The following ACTR3 variants were observed in gnomAD, a reference collection of about 807,000 sequenced individuals.
ACTR3 encodes the protein actin-related protein 3.
In ACTR3, 12 loss-of-function variants were observed where a neutral mutation model predicts 56.8. The ratio of observed to expected loss-of-function variants is 0.21; its 90% CI spans 0.14 to 0.34. The LOEUF (loss-of-function observed/expected upper bound fraction) is 0.34, where lower values mean the gene tolerates loss of function less well. Among genes scored for constraint, ACTR3 ranks in the 10% least tolerant of loss-of-function variants. The pLI, the probability that ACTR3 is intolerant of heterozygous loss-of-function variation, is 1.00. For synonymous variants in ACTR3, 162 were observed against 167.4 expected, an observed-to-expected ratio of 0.97 and a Z score of 0.25; for missense variants, 282 against 512.5, an observed-to-expected ratio of 0.55 and a Z score of 4.34.
chr2:113,936,999 C>T (rs1391584100), intron 6 of ACTR3, among the ~76,000 whole-genome samples: 1 of 152,172 alleles, frequency 6.6e-6, no homozygotes, highest in Admixed American at 6.5e-5. Context: ...TTTGAATACC[C>T]TATCTCCAAA....
intron 8 of ACTR3, among the ~76,000 whole-genome samples, chr2:113,946,263 GTTTC>G (rs1426213898): frequency 2.0e-4 from 30 of 151,622 alleles, no homozygotes; most frequent in Non-Finnish European, 1.6e-4. Flanking sequence ...GAGTATAAGC[GTTTC>G]TTTTTCTTTC....
At chr2:113,928,045 T>C (rs1276440650) in intron 4 of ACTR3, among the ~76,000 whole-genome samples, 1 of 152,170 alleles carries the variant, frequency 6.6e-6, no homozygotes, top group South Asian at 2.1e-4. Flanking sequence ...TTATTTCTTC[T>C]GTCTTTAAGA....
intron 1 of ACTR3, among the ~76,000 whole-genome samples, chr2:113,911,943 G>A (rs1679314307): frequency 1.3e-5 from 2 of 152,010 alleles, no homozygotes; most frequent in South Asian, 4.1e-4. Flanking sequence ...CACCATGTTG[G>A]TTAGGCTGGT....
In ACTR3 at chr2:113,942,362, A is replaced by G. The variant is rs566464778; in HGVS notation, c.858+3A>G. On this transcript the variant is annotated splice_donor_region_variant and intron_variant, in intron 8 of 11. Coordinates refer to ENST00000263238, the MANE Select transcript of ACTR3 (RefSeq NM_005721.5). ...CTGAAATCTTTTTTCATCCAGAGGTAATTTTTTTTAACGGAATTGTTTAAA... is the reference window on the plus strand; with the variant it reads ...CTGAAATCTTTTTTCATCCAGAGGTGATTTTTTTTAACGGAATTGTTTAAA... 3.8e-5 allele frequency: 59 copies of G among 1,562,358 alleles called. No homozygotes were observed.
At chr2:113,950,009 G>C (rs1680092978) in intron 8 of ACTR3, among the ~76,000 whole-genome samples, 1 of 152,156 alleles carries the variant, frequency 6.6e-6, no homozygotes, top group Non-Finnish European at 1.5e-5. Flanking sequence ...CAAAGTAGAT[G>C]TGCCAAAAAG....
At chr2:113,897,772 C>G (rs1679036948) in intron 1 of ACTR3, among the ~76,000 whole-genome samples, 1 of 151,966 alleles carries the variant, frequency 6.6e-6, no homozygotes, top group African/African-American at 2.4e-5. Context: ...AGTGATCCAC[C>G]CGTCTCGGCC....
intron 4 of ACTR3, among the ~76,000 whole-genome samples, chr2:113,931,048 G>C (rs1038430426): frequency 6.6e-6 from 1 of 151,660 alleles, no homozygotes; most frequent in Non-Finnish European, 1.5e-5. Context: ...TGTTTAATCT[G>C]TATAAGTGGT....
intron 8 of ACTR3, among the ~76,000 whole-genome samples, chr2:113,945,483 TGTTAG>T (rs1418492867): frequency 1.3e-5 from 2 of 152,162 alleles, no homozygotes; most frequent in Non-Finnish European, 2.9e-5. Context: ...CCTGCCAACA[TGTTAG>T]GTTATTGTTA....
intron 6 of ACTR3, among the ~76,000 whole-genome samples, chr2:113,937,143 G>A (rs762243739): frequency 5.9e-5 from 9 of 152,202 alleles, no homozygotes; most frequent in Admixed American, 2.0e-4. Flanking sequence ...TTGCTCTGTC[G>A]CCGAGGCTGG....
chr2:113,927,439 A>T lies in ACTR3; in HGVS notation c.320A>T (p.Asp107Val). 1 of 1,589,212 alleles carries T rather than the reference A, an allele frequency of 6.3e-7. No homozygotes were observed. The highest frequency in any genetic ancestry group is 8.6e-7 in the Non-Finnish European group (1 of 1,166,652). Residue 107 changes from aspartate (D) to valine (V), a missense_variant, in exon 4 of 12, where the codon GAC becomes GTC. Coordinates refer to ENST00000263238, the MANE Select transcript of ACTR3 (RefSeq NM_005721.5). The part of the protein sequence containing the change: ...IFKYLRAEPE[D>V]HYFLLTEPPL... Reference sequence around the variant, plus strand: ...AAATATTTAAGGGCAGAACCTGAAGACCATTATTTTCTTTTGGTAAGTTAC... The same window carrying T: ...AAATATTTAAGGGCAGAACCTGAAGTCCATTATTTTCTTTTGGTAAGTTAC...
intron 3 of ACTR3, 137 bp from the exon 4 acceptor site, chr2:113,927,208 G>A (rs1171476601): frequency 6.2e-6 from 3 of 485,756 alleles, no homozygotes; most frequent in Admixed American, 3.9e-5. Context: ...CATCTTTTAA[G>A]GATGTTCTAT....
rs1680261656 is a variant in ACTR3, at chr2:113,958,345, A to G, written c.*890A>G. 6.6e-6 allele frequency: 1 copy of G among 152,554 alleles called. No individual in the cohort carries two copies. Among genetic ancestry groups the G allele is most frequent in the African/African-American group, 2.4e-5 (1 of 41,458 alleles). The allele number at this position is 152,554 out of a possible 1,614,324, so 9.5% of individuals were successfully genotyped here. On this transcript the variant is annotated 3_prime_UTR_variant, in exon 12 of 12. Transcript: ENST00000263238. Reference sequence around the variant, plus strand: ...TCTGCAATAGTTCTTTAAAATCACAACAGTTAGCAAGCTGACTTTTGTAAT... The same window carrying G: ...TCTGCAATAGTTCTTTAAAATCACAGCAGTTAGCAAGCTGACTTTTGTAAT...
intron 7 of ACTR3, among the ~76,000 whole-genome samples, chr2:113,941,794 G>A (rs1679928770): frequency 6.6e-6 from 1 of 151,866 alleles, no homozygotes; most frequent in Non-Finnish European, 1.5e-5. Flanking sequence ...AATTTGTGTG[G>A]TTATCACAAT....
intron 5 of ACTR3, 55 bp downstream of exon 5, chr2:113,931,451 T>G (rs2104609281): frequency 7.9e-7 from 1 of 1,264,362 alleles, no homozygotes; most frequent in South Asian, 1.5e-5. Flanking sequence ...CTAGTTTAAT[T>G]TGCTGCCTAA....
intron 2 of ACTR3, 66 bp from the exon 3 acceptor site, chr2:113,916,818 T>C (rs1290036249): frequency 1.4e-6 from 2 of 1,414,978 alleles, no homozygotes; most frequent in Non-Finnish European, 1.9e-6. Flanking sequence ...ATGGGAGAAG[T>C]GTAAGGTAAA....
chr2:113,900,078 G>A (rs976225139), intron 1 of ACTR3, among the ~76,000 whole-genome samples: 3 of 152,062 alleles, frequency 2.0e-5, no homozygotes, highest in Admixed American at 2.0e-4. Context: ...ACTTTATACA[G>A]CTTTATTGAG....
chr2:113,920,640 C>T (rs966139516), intron 3 of ACTR3, among the ~76,000 whole-genome samples: 34 of 152,314 alleles, frequency 2.2e-4, no homozygotes, highest in African/African-American at 7.9e-4. Context: ...TCCCTATTCC[C>T]TTCTTTCCCC....
intron 6 of ACTR3, among the ~76,000 whole-genome samples, chr2:113,939,171 G>A (rs921079174): frequency 2.6e-5 from 4 of 151,498 alleles, no homozygotes; most frequent in East Asian, 1.9e-4. Flanking sequence ...CTACAGGCGC[G>A]CGCCACCATG....
At position 113,961,808 on chromosome 2, in the gene ACTR3, T is replaced by C. The variant is rs1006196215; in HGVS notation, c.*4353T>C. The C allele has an allele frequency of 2.0e-5, 3 of 151,930 alleles. No individual in the cohort carries two copies. Among genetic ancestry groups the C allele is most frequent in the African/African-American group, 7.2e-5 (3 of 41,416 alleles). 9.4% of individuals were successfully genotyped at this position (151,930 alleles called of 1,614,324 possible). ...GAATTTCTCTTCATAAAAATGGTAG[T>C]GTTAGTTGTTTAGAGGGAGAAGTCC... On this transcript the variant is annotated 3_prime_UTR_variant, in exon 12 of 12. Transcript: ENST00000263238.
Sources: allele counts gnomAD v4.1 joint callset (sites outside exome capture counted in the v4.1 genomes callset), GRCh38; gene constraint gnomAD v4.1.1; transcripts MANE v1.5; gene names NCBI Gene and HGNC (gene_info 2026-07-23, HGNC 2026-07-21).